Variants in HOMER2 observed in about 807,000 individuals in gnomAD.
HOMER2 encodes homer scaffold protein 2.
Under a neutral mutation model 47.0 loss-of-function variants are expected in HOMER2, and 27 were observed. That is an observed-to-expected ratio of 0.57 (90% confidence interval 0.42 to 0.79). The LOEUF (loss-of-function observed/expected upper bound fraction) is 0.79, where lower values mean the gene tolerates loss of function less well. Ranked by LOEUF, HOMER2 falls within the 30% of genes least tolerant of loss-of-function variation. The pLI is 0.00. For synonymous variants in HOMER2, 161 were observed against 163.8 expected (o/e 0.98, Z 0.13); for missense variants, 443 against 435.0 (o/e 1.02, Z -0.16).
chr15:82,870,566 A>C (rs61251502), intron 3 of HOMER2, among the ~76,000 whole-genome samples: 1,536 of 152,314 alleles, frequency 0.01, 31 homozygotes, highest in African/African-American at 0.035. Flanking sequence ...ACATGAGAGG[A>C]AATTATCCCA....
At chr15:82,868,706 C>A (rs1365866417) in intron 3 of HOMER2, among the ~76,000 whole-genome samples, 8 of 150,556 alleles carry the variant, frequency 5.3e-5, no homozygotes, top group Admixed American at 5.3e-4. Context: ...CATGCGCCAC[C>A]ACGCCCGGCT....
chr15:82,962,098 C>T (rs202124347), intron 1 of HOMER2, among the ~76,000 whole-genome samples: 2 of 150,846 alleles, frequency 1.3e-5, no homozygotes, highest in South Asian at 4.3e-4. Context: ...AGGCCGGGTG[C>T]GGTGACTCAC....
intron 5 of HOMER2, among the ~76,000 whole-genome samples, chr15:82,858,296 T>C (rs1389224364): frequency 6.6e-6 from 1 of 152,108 alleles, no homozygotes; most frequent in Non-Finnish European, 1.5e-5. Context: ...TCTTTTTTTT[T>C]TCTTTTTTTT....
intron 3 of HOMER2, among the ~76,000 whole-genome samples, chr15:82,868,541 A>ATATATATTT: frequency 1.8e-4 from 13 of 71,268 alleles, no homozygotes; most frequent in Non-Finnish European, 2.8e-4. Flanking sequence ...ATATATATAT[A>ATATATATTT]TTTTTTTTTT....
intron 1 of HOMER2, among the ~76,000 whole-genome samples, chr15:82,905,742 G>T (rs2053267649): frequency 1.3e-5 from 2 of 152,102 alleles, no homozygotes; most frequent in Admixed American, 6.5e-5. Flanking sequence ...AAGTGCAGGA[G>T]AAATAAGGAC....
At chr15:82,953,625 G>A (rs1035662539), upstream of HOMER2, among the ~76,000 whole-genome samples, 5 of 152,184 alleles carry the variant, frequency 3.3e-5, no homozygotes, top group African/African-American at 1.2e-4. Flanking sequence ...TGTAATCCCA[G>A]CACTTTGGGA....
chr15:82,960,361 C>T (rs1271748087), intron 1 of HOMER2, among the ~76,000 whole-genome samples: 1 of 152,074 alleles, frequency 6.6e-6, no homozygotes, highest in African/African-American at 2.4e-5. Flanking sequence ...TGGGAGCCAT[C>T]AGCAAGTCAG....
intron 1 of HOMER2, among the ~76,000 whole-genome samples, chr15:82,902,874 TTTTG>T (rs142990360): frequency 0.058 from 8,866 of 152,200 alleles, 592 homozygotes; most frequent in African/African-American, 0.17. Flanking sequence ...CTGAAAATAA[TTTTG>T]TTTTATTCTG....
At chr15:82,936,845 G>T (rs2054153251) in intron 1 of HOMER2, among the ~76,000 whole-genome samples, 1 of 151,982 alleles carries the variant, frequency 6.6e-6, no homozygotes, top group Non-Finnish European at 1.5e-5. Context: ...GAGCCACCAT[G>T]CCTGGCCAGC....
chr15:82,868,541 A>ATATATATATATATATATATATATTTT, intron 3 of HOMER2, among the ~76,000 whole-genome samples: 5 of 71,260 alleles, frequency 7.0e-5, no homozygotes, highest in African/African-American at 1.0e-4. Context: ...ATATATATAT[A>ATATATATATATATATATATATATTTT]TTTTTTTTTT....
At chr15:82,872,966 C>G (rs1481519054) in intron 3 of HOMER2, among the ~76,000 whole-genome samples, 2 of 152,204 alleles carry the variant, frequency 1.3e-5, no homozygotes, top group Admixed American at 1.3e-4. Context: ...GAGGCCTTTA[C>G]AGCAAAACAG....
At chr15:82,940,192 A>G (rs550737693) in intron 1 of HOMER2, among the ~76,000 whole-genome samples, 2 of 152,086 alleles carry the variant, frequency 1.3e-5, no homozygotes, top group South Asian at 4.2e-4. Context: ...CATTGTGCAC[A>G]TGTACCCTAG....
intron 1 of HOMER2, chr15:82,898,345 C>T (rs1037447964): frequency 6.6e-6 from 1 of 152,130 alleles, no homozygotes; most frequent in African/African-American, 2.4e-5. Flanking sequence ...GTTTCCTTCC[C>T]AGCAGGGAAA....
At chr15:82,907,581 C>G (rs777138799) in intron 1 of HOMER2, among the ~76,000 whole-genome samples, 8 of 151,996 alleles carry the variant, frequency 5.3e-5, no homozygotes, top group Non-Finnish European at 1.2e-4. Flanking sequence ...TTCAAAGAAG[C>G]AGAAAATCAG....
intron 5 of HOMER2, among the ~76,000 whole-genome samples, chr15:82,856,934 T>A (rs920022261): frequency 6.6e-6 from 1 of 152,164 alleles, no homozygotes; most frequent in Non-Finnish European, 1.5e-5. Flanking sequence ...GATGGAAGGT[T>A]TACTAGCCAT....
intron 1 of HOMER2, among the ~76,000 whole-genome samples, chr15:82,937,712 A>C (rs2054171870): frequency 6.6e-6 from 1 of 152,192 alleles, no homozygotes; most frequent in Non-Finnish European, 1.5e-5. Flanking sequence ...CAAAGAGGTG[A>C]CCAATGGAGA....
intron 1 of HOMER2, among the ~76,000 whole-genome samples, chr15:82,964,225 G>A (rs540171922): frequency 3.3e-5 from 5 of 152,270 alleles, no homozygotes; most frequent in South Asian, 2.1e-4. Flanking sequence ...CAGGCTTGCC[G>A]AATGAAGCCT....
chr15:82,896,083 C>T (rs2052904416), intron 1 of HOMER2, among the ~76,000 whole-genome samples: 1 of 151,942 alleles, frequency 6.6e-6, no homozygotes, highest in South Asian at 2.1e-4. Context: ...GTAGAGGGGG[C>T]TGGAGGTGGG....
exon 2 of HOMER2, chr15:82,837,262 A>T (rs890267660): frequency 3.9e-4 from 60 of 152,358 alleles, no homozygotes; most frequent in African/African-American, 1.4e-3. Context: ...ATAATCCAGG[A>T]TCATCTCTCC....
Sources: allele counts gnomAD v4.1 joint callset (sites outside exome capture counted in the v4.1 genomes callset), GRCh38; gene constraint gnomAD v4.1.1; transcripts MANE v1.5; gene names NCBI Gene and HGNC (gene_info 2026-07-23, HGNC 2026-07-21).